Variants in KCNQ1 observed in about 807,000 individuals in gnomAD.
KCNQ1 encodes potassium voltage-gated channel subfamily KQT member 1.
KCNQ1 carries 49 observed loss-of-function variants against 72.4 expected under a neutral mutation model. The ratio of observed to expected loss-of-function variants is 0.68; its 90% confidence interval spans 0.54 to 0.86. KCNQ1 has a LOEUF of 0.86. KCNQ1 is among the 40% of genes least tolerant of loss of function. KCNQ1 has a pLI of 0.00. For missense variants in KCNQ1, 790 were observed against 945.1 expected (o/e 0.84, Z 2.15); for synonymous variants, 450 against 412.6 (o/e 1.09, Z -1.10).
rs147692502 is a variant in KCNQ1 at position 2,475,947 on chromosome 11, A to G, written c.386+30463A>G. ...GTCCAATTAAACCTCTTTCTTTTGT[A>G]CATTTGCTCAGTCTTGGGTATGTCT... On this transcript the variant is annotated intron_variant, in intron 1 of 15. Coordinates refer to ENST00000155840, the MANE Select transcript of KCNQ1 (RefSeq NM_000218.3). The surrounding 1 kb of genome is among the most constrained non-coding windows in gnomAD (Gnocchi z 5.8). Among the ~76,000 whole-genome samples, 1 of 152,316 alleles carries G rather than the reference A, an allele frequency of 6.6e-6. No homozygotes were observed. The highest frequency in any genetic ancestry group is 2.4e-5 in the African/African-American group (1 of 41,564).
In KCNQ1 at chr11:2,669,683, A is replaced by G. The variant is rs1850146474; in HGVS notation, c.1514+7602A>G. 1 of 398,600 alleles carries G rather than the reference A, an allele frequency of 2.5e-6. No individual in the cohort carries two copies. Among genetic ancestry groups the G allele is most frequent in the East Asian group, 3.6e-5 (1 of 28,078 alleles). The allele number at this position is 398,600 out of a possible 1,614,324, so 24.7% of individuals were successfully genotyped here. ...CTCACAGTATTAGTGTAAGGCCTTG[A>G]GGAGATGGTGTTAGGCATCCAGCCA... On this transcript the variant is annotated intron_variant, in intron 11 of 15. Transcript: ENST00000155840. The surrounding 1 kb of genome is among the most constrained non-coding windows in gnomAD (Gnocchi z 5.6).
chr11:2,834,544 A>G (rs912772399), intron 15 of KCNQ1, among the ~76,000 whole-genome samples: 3 of 152,064 alleles, frequency 2.0e-5, no homozygotes, highest in Non-Finnish European at 4.4e-5. Context: ...CCCAACACAG[A>G]CAGCACCAGA....
chr11:2,608,990 G>A lies in KCNQ1; in HGVS notation c.1393+20136G>A. 2.5e-6 allele frequency: 1 copy of A among 397,306 alleles called. No individual in the cohort carries two copies. The highest frequency in any genetic ancestry group is 4.4e-6 in the Non-Finnish European group (1 of 225,726). The allele number at this position is 397,306 out of a possible 1,614,324, so 24.6% of individuals were successfully genotyped here. On this transcript the variant is annotated intron_variant, in intron 10 of 15. Coordinates refer to ENST00000155840, the MANE Select transcript of KCNQ1 (RefSeq NM_000218.3). The surrounding 1 kb of genome is among the most constrained non-coding windows in gnomAD (Gnocchi z 4.6). ...TGTTAATTTCAAAGAACCAAATTTT[G>A]GATTTGTTGACTTTATTATTTTTAT... is the stretch of plus-strand genomic sequence containing the variant.
Position 2,813,002 on chromosome 11 carries a change from C to T in KCNQ1, c.1795-34765C>T, listed in dbSNP as rs1374293484. Among the ~76,000 whole-genome samples, 5 of 152,266 alleles carry T rather than the reference C, an allele frequency of 3.3e-5. No individual in the cohort carries two copies. The East Asian group carries it at 9.6e-4, about 29-fold the overall frequency. On this transcript the variant is annotated intron_variant, in intron 15 of 15. Transcript: ENST00000155840. The surrounding 1 kb of genome is among the most constrained non-coding windows in gnomAD (Gnocchi z 4.4). Reference sequence around the variant, plus strand: ...AGCCTCCAATCCCTCATTACTGCCCCAGCCTGTGCCTGTGCCTGGAGGCTG... The same window carrying T: ...AGCCTCCAATCCCTCATTACTGCCCTAGCCTGTGCCTGTGCCTGGAGGCTG...
chr11:2,584,952 T>C (rs926365320), intron 7 of KCNQ1, among the ~76,000 whole-genome samples: 2 of 152,160 alleles, frequency 1.3e-5, no homozygotes, highest in African/African-American at 4.8e-5. Flanking sequence ...GCCCCCAGAA[T>C]GGTCCCTGGG....
rs1217670520 is a variant in KCNQ1, at chr11:2,526,381, A to G, written c.387-1547A>G. ...AGGGTGTCGGTGAGGCAGGTGGCTG[A>G]GGAAATGGTAGCTGCAGGTTTTGGC... On this transcript the variant is annotated intron_variant, in intron 1 of 15. Transcript: ENST00000155840. The surrounding 1 kb of genome is among the most constrained non-coding windows in gnomAD (Gnocchi z 6.1). Among the ~76,000 whole-genome samples the G allele has an allele frequency of 6.6e-6, 1 of 151,880 alleles. No homozygotes were observed. The highest frequency in any genetic ancestry group is 1.9e-4 in the East Asian group (1 of 5,172).
Position 2,657,445 on chromosome 11 carries a change from C to T in KCNQ1, c.1394-4516C>T. 4 of 398,476 alleles carry T rather than the reference C, an allele frequency of 1.0e-5. No individual in the cohort carries two copies. The highest frequency in any genetic ancestry group is 1.8e-5 in the Non-Finnish European group (4 of 226,018). 24.7% of individuals were successfully genotyped at this position (398,476 alleles called of 1,614,324 possible). A position where few individuals can be genotyped will look rare whatever the true frequency, so the allele number is the denominator to read the frequency against. On this transcript the variant is annotated intron_variant, in intron 10 of 15. Coordinates refer to ENST00000155840, the MANE Select transcript of KCNQ1 (RefSeq NM_000218.3). This position sits in a 1 kb window ranked among gnomAD's most constrained non-coding sequence, Gnocchi z 4.8. ...TATACTTAGTTAGATAATTAATATT[C>T]TTTTGTGCTATTGTATACAGGTTCT...
At chr11:2,829,251 C>T (rs899828594) in intron 15 of KCNQ1, among the ~76,000 whole-genome samples, 8 of 152,144 alleles carry the variant, frequency 5.3e-5, no homozygotes, top group Non-Finnish European at 1.0e-4. Flanking sequence ...TCTAGCATTA[C>T]AGCTGCTCAG....
At position 2,526,661 on chromosome 11, in the gene KCNQ1, T is replaced by G. The variant is rs1304834958; in HGVS notation, c.387-1267T>G. ...GGGAGGTAGCCTGTTTGTTGTGGGCTCTGGGGGCCTGGGGAGGGTGGGCTG... is the reference window on the plus strand; with the variant it reads ...GGGAGGTAGCCTGTTTGTTGTGGGCGCTGGGGGCCTGGGGAGGGTGGGCTG... On this transcript the variant is annotated intron_variant, in intron 1 of 15. Coordinates refer to ENST00000155840, the MANE Select transcript of KCNQ1 (RefSeq NM_000218.3). This position sits in a 1 kb window ranked among gnomAD's most constrained non-coding sequence, Gnocchi z 6.1. 3.6e-5 allele frequency among the ~76,000 whole-genome samples: 5 copies of G among 140,432 alleles called. No individual in the cohort carries two copies. The highest frequency in any genetic ancestry group is 5.2e-5 in the African/African-American group (2 of 38,686). 92.1% of individuals were successfully genotyped at this position (140,432 alleles called of 152,430 possible).
At chr11:2,756,900 T>A (rs1319542132) in intron 11 of KCNQ1, among the ~76,000 whole-genome samples, 1 of 136,688 alleles carries the variant, frequency 7.3e-6, no homozygotes, top group Non-Finnish European at 1.5e-5. Flanking sequence ...CATTCAAAAC[T>A]TAATTAATGT....
chr11:2,588,949 T>C lies in KCNQ1; in HGVS notation c.1393+95T>C. 1 of 1,437,500 alleles carries C rather than the reference T, an allele frequency of 7.0e-7. No individual in the cohort carries two copies. Among genetic ancestry groups the C allele is most frequent in the Non-Finnish European group, 9.6e-7 (1 of 1,045,414 alleles). The allele number at this position is 1,437,500 out of a possible 1,614,324, so 89.0% of individuals were successfully genotyped here. A position where few individuals can be genotyped will look rare whatever the true frequency, so the allele number is the denominator to read the frequency against. On this transcript the variant is annotated intron_variant, in intron 10 of 15. Transcript: ENST00000155840. The surrounding 1 kb of genome is among the most constrained non-coding windows in gnomAD (Gnocchi z 5.6). ...AAGCCAGTGAGTTTCTCCCTTGGGCTGTGGTCTCTGACAACGAGGTATGAA... is the reference window on the plus strand; with the variant it reads ...AAGCCAGTGAGTTTCTCCCTTGGGCCGTGGTCTCTGACAACGAGGTATGAA...
intron 1 of KCNQ1, among the ~76,000 whole-genome samples, chr11:2,520,175 GTCCCCA>G (rs1226697823): frequency 1.3e-5 from 2 of 152,204 alleles, no homozygotes; most frequent in Non-Finnish European, 2.9e-5. Flanking sequence ...GAGCCTCAGT[GTCCCCA>G]TCGATTGGTA....
Position 2,551,241 on chromosome 11 carries a change from C to T in KCNQ1, c.478-19387C>T, listed in dbSNP as rs546872867. Among the ~76,000 whole-genome samples, 45 of 152,302 alleles carry T rather than the reference C, an allele frequency of 3.0e-4. 1 individual carries two copies. The South Asian group carries it at 9.1e-3, about 31-fold the overall frequency. On this transcript the variant is annotated intron_variant, in intron 2 of 15. Transcript: ENST00000155840. ...CAAGATCCAAGGTGTTCCCATCACCCGAAAGCTCCCTGGTACCCACTGGCG... is the reference window on the plus strand; with the variant it reads ...CAAGATCCAAGGTGTTCCCATCACCTGAAAGCTCCCTGGTACCCACTGGCG...
At chr11:2,776,220 C>A (rs533638297) in intron 13 of KCNQ1, among the ~76,000 whole-genome samples, 166 bp downstream of exon 13, 1 of 152,268 alleles carries the variant, frequency 6.6e-6, no homozygotes, top group South Asian at 2.1e-4. Flanking sequence ...GGGAGGGCAG[C>A]TGGCCACGGC....
In KCNQ1 at chr11:2,720,930, C is replaced by T. The variant is rs1564871003; in HGVS notation, c.1515-47914C>T. Reference sequence around the variant, plus strand: ...TACCTGAGGGAGATGAGGTTGTTCCCAGGGTTTCCTCATCCCAGGGGCTCT... The same window carrying T: ...TACCTGAGGGAGATGAGGTTGTTCCTAGGGTTTCCTCATCCCAGGGGCTCT... On this transcript the variant is annotated intron_variant, in intron 11 of 15. Coordinates refer to ENST00000155840, the MANE Select transcript of KCNQ1 (RefSeq NM_000218.3). The surrounding 1 kb of genome is among the most constrained non-coding windows in gnomAD (Gnocchi z 5.1). Among the ~76,000 whole-genome samples the T allele has an allele frequency of 6.6e-6, 1 of 152,236 alleles. No homozygotes were observed. The highest frequency in any genetic ancestry group is 2.1e-4 in the South Asian group (1 of 4,824).
At position 2,692,848 on chromosome 11, in the gene KCNQ1, T is replaced by C. The variant is rs147775239; in HGVS notation, c.1514+30767T>C. The C allele has an allele frequency of 1.8e-3, 706 of 398,554 alleles. No individual in the cohort carries two copies. Among genetic ancestry groups the C allele is most frequent in the Admixed American group, 3.9e-3 (88 of 22,742 alleles). 24.7% of individuals were successfully genotyped at this position (398,554 alleles called of 1,614,324 possible). On this transcript the variant is annotated intron_variant, in intron 11 of 15. Transcript: ENST00000155840. ...TGATCATTCCCCTGCCTGTTAGACA[T>C]AATTCACTGCCTGGGAAGGCACTGT...
intron 1 of KCNQ1, among the ~76,000 whole-genome samples, chr11:2,521,761 C>A (rs1033155961): frequency 6.6e-6 from 1 of 152,250 alleles, no homozygotes; most frequent in Non-Finnish European, 1.5e-5. Context: ...GGCCTGTCCC[C>A]GAGTGGGCAT....
In KCNQ1 at chr11:2,547,227, ATTAT is replaced by A. The variant is rs1203916866; in HGVS notation, c.477+19224_477+19227del. ...AACATTTGGGTAATTAGGAGGTTGT[ATTAT>A]TTATTTATTTATTTTTGCGAAACAG... On this transcript the variant is annotated intron_variant, in intron 2 of 15. Coordinates refer to ENST00000155840, the MANE Select transcript of KCNQ1 (RefSeq NM_000218.3). The surrounding 1 kb of genome is among the most constrained non-coding windows in gnomAD (Gnocchi z 4.2). Among the ~76,000 whole-genome samples the A allele has an allele frequency of 6.6e-6, 1 of 151,946 alleles. No individual in the cohort carries two copies. Among genetic ancestry groups the A allele is most frequent in the South Asian group, 2.1e-4 (1 of 4,812 alleles).
intron 11 of KCNQ1, among the ~76,000 whole-genome samples, chr11:2,700,628 G>A (rs568704569): frequency 2.6e-5 from 4 of 152,244 alleles, no homozygotes; most frequent in Admixed American, 6.5e-5. Flanking sequence ...TGGAACACCC[G>A]TGTCTGCCGC....
Sources: allele counts gnomAD v4.1 joint callset (sites outside exome capture counted in the v4.1 genomes callset), GRCh38; gene constraint gnomAD v4.1.1; non-coding constraint Gnocchi (gnomAD v3.1); transcripts MANE v1.5; gene names NCBI Gene and HGNC (gene_info 2026-07-23, HGNC 2026-07-21).